The following ABCG1 variants were observed in gnomAD, a reference collection of about 807,000 sequenced individuals.
The protein encoded by ABCG1 is ATP binding cassette subfamily G member 1, also known as ATP-binding cassette sub-family G member 1.
In ABCG1, 29 loss-of-function variants were observed where a neutral mutation model predicts 69.2. That is an observed-to-expected ratio of 0.42 (90% CI 0.31 to 0.57). ABCG1 has a LOEUF of 0.57. Ranked by LOEUF, ABCG1 falls within the 20% of genes least tolerant of loss-of-function variation. The pLI is 0.15. For missense variants in ABCG1, 718 were observed against 898.1 expected, an observed-to-expected ratio of 0.80 and a Z score of 2.56; for synonymous variants, 370 against 374.8, an observed-to-expected ratio of 0.99 and a Z score of 0.15.
intron 2 of ABCG1, among the ~76,000 whole-genome samples, chr21:42,266,070 C>T (rs932518082): frequency 1.3e-5 from 2 of 152,160 alleles, no homozygotes; most frequent in African/African-American, 4.8e-5. Flanking sequence ...GGGAGGCCCA[C>T]GTGGGCGGAT....
At chr21:42,257,418 A>T (rs1282269408) in intron 2 of ABCG1, among the ~76,000 whole-genome samples, 3 of 152,246 alleles carry the variant, frequency 2.0e-5, no homozygotes, top group Non-Finnish European at 4.4e-5. Context: ...ATACAGATAC[A>T]GGACTGGTGA....
At position 42,219,808 on chromosome 21, in the gene ABCG1, C is replaced by A; in HGVS notation, c.42+504C>A. 2.1e-6 allele frequency: 3 copies of A among 1,436,006 alleles called. No homozygotes were observed. The highest frequency in any genetic ancestry group is 2.6e-4 in the Middle Eastern group (1 of 3,910). The allele number at this position is 1,436,006 out of a possible 1,614,324, so 89.0% of individuals were successfully genotyped here. ...TGGGGGAACAAAAGAGGAAGCTGCC[C>A]CCAGAGAGCCGGAGCCTGCGACTGC... On this transcript the variant is annotated intron_variant, in intron 1 of 14. Coordinates refer to ENST00000398449, the MANE Select transcript of ABCG1 (RefSeq NM_016818.3). This position sits in a 1 kb window ranked among gnomAD's most constrained non-coding sequence, Gnocchi z 5.3.
intron 3 of ABCG1, among the ~76,000 whole-genome samples, chr21:42,272,386 G>A (rs1601423871): frequency 6.6e-6 from 1 of 152,224 alleles, no homozygotes; most frequent in African/African-American, 2.4e-5. Flanking sequence ...TTCAGACCTG[G>A]GGATCCAGGG....
chr21:42,259,546 G>A (rs1195435346), intron 2 of ABCG1: 2 of 1,523,012 alleles, frequency 1.3e-6, no homozygotes, highest in Admixed American at 2.1e-5. Context: ...CATCATGTGG[G>A]CCCTCAGGCT....
rs1198747241 is a variant in ABCG1 at position 42,202,184 on chromosome 21, C to T, written c.48+461C>T. ...TTGGTCTGCTATTGAGTATGGAGGC[C>T]AGGGTTCCACTCCAGACCCCTCTGA... is the stretch of plus-strand genomic sequence containing the variant. On this transcript the variant is annotated intron_variant, in intron 2 of 15. Coordinates refer to the ABCG1 transcript ENST00000398457. Among the ~76,000 whole-genome samples the T allele has an allele frequency of 3.9e-5, 6 of 152,266 alleles. No homozygotes were observed. In the East Asian group the frequency reaches 1.2e-3, roughly 29 times the overall value.
intron 2 of ABCG1, among the ~76,000 whole-genome samples, chr21:42,207,660 G>A (rs2067553791): frequency 6.6e-6 from 1 of 152,212 alleles, no homozygotes; most frequent in African/African-American, 2.4e-5. Flanking sequence ...TTACTACCAG[G>A]CAAGGGTAGA....
chr21:42,268,388 T>TGTGTGTGTGTGTGTGC (rs57264459), intron 2 of ABCG1, among the ~76,000 whole-genome samples: 54 of 110,178 alleles, frequency 4.9e-4, no homozygotes, highest in Non-Finnish European at 8.1e-4. Context: ...TGTGTGTGTG[T>TGTGTGTGTGTGTGTGC]GCGCGCGCGC....
chr21:42,225,548 C>T, intron 1 of ABCG1, 123 bp from the exon 2 acceptor site: 1 of 1,246,522 alleles, frequency 8.0e-7, no homozygotes, highest in South Asian at 1.4e-5. Context: ...CAAAGGTGCT[C>T]CTGCAGTGGA....
At chr21:42,292,553 C>T (rs920190772) in intron 13 of ABCG1, among the ~76,000 whole-genome samples, 6 of 151,918 alleles carry the variant, frequency 3.9e-5, no homozygotes, top group Non-Finnish European at 8.8e-5. Flanking sequence ...CCTGTCTGCA[C>T]GGTTGCACAC....
chr21:42,230,908 A>G (rs375184111), intron 2 of ABCG1, among the ~76,000 whole-genome samples: 247 of 152,320 alleles, frequency 1.6e-3, no homozygotes, highest in African/African-American at 5.4e-3. Context: ...GTGGGGAGGA[A>G]GGAACTCAGA....
chr21:42,218,632 C>T (rs929702461), upstream of ABCG1, among the ~76,000 whole-genome samples: 9 of 149,022 alleles, frequency 6.0e-5, no homozygotes, highest in African/African-American at 2.2e-4. Context: ...CACACCGGTG[C>T]TGTTGGGGGC....
At chr21:42,284,816 C>T in intron 7 of ABCG1, 133 bp downstream of exon 7, 1 of 1,251,756 alleles carries the variant, frequency 8.0e-7, no homozygotes, top group Non-Finnish European at 1.1e-6. Context: ...CCTGGGTACC[C>T]ACAGCCTTCT....
chr21:42,279,932 G>A (rs564767201), intron 5 of ABCG1, among the ~76,000 whole-genome samples: 10 of 152,342 alleles, frequency 6.6e-5, no homozygotes, highest in Admixed American at 3.9e-4. Flanking sequence ...CCTAAGACAC[G>A]GCCCGGATGA....
At chr21:42,227,968 G>A (rs978937550) in intron 2 of ABCG1, among the ~76,000 whole-genome samples, 4 of 152,176 alleles carry the variant, frequency 2.6e-5, no homozygotes, top group Non-Finnish European at 4.4e-5. Flanking sequence ...CTCTCGCCCA[G>A]TCCCTCCCTT....
chr21:42,234,377 C>A (rs2067945649), intron 2 of ABCG1, among the ~76,000 whole-genome samples: 1 of 152,212 alleles, frequency 6.6e-6, no homozygotes, highest in African/African-American at 2.4e-5. Context: ...ACCCTGCTGA[C>A]AATGAGGAGC....
At chr21:42,200,338 G>A (rs999821694) in intron 1 of ABCG1, among the ~76,000 whole-genome samples, 1 of 152,198 alleles carries the variant, frequency 6.6e-6, no homozygotes, top group Admixed American at 6.5e-5. Flanking sequence ...AAGCCTTTGG[G>A]TACATCCCAT....
upstream of ABCG1, among the ~76,000 whole-genome samples, chr21:42,216,528 T>C (rs1335261152): frequency 6.6e-6 from 1 of 152,132 alleles, no homozygotes; most frequent in Admixed American, 6.5e-5. Context: ...GGCAACCCCC[T>C]GATGCAGTGG....
chr21:42,268,835 C>G lies in ABCG1; in HGVS notation c.287-2235C>G, dbSNP rs796685187. 8.2e-4 allele frequency among the ~76,000 whole-genome samples: 125 copies of G among 152,264 alleles called. 1 individual carries two copies. Among genetic ancestry groups the G allele is most frequent in the African/African-American group, 2.9e-3 (121 of 41,530 alleles). ...TGAGAGGGCCGAATGCTCCCAGCCT[C>G]CATGCCATGTCCTGTTCCTGGGGTC... On this transcript the variant is annotated intron_variant, in intron 2 of 14. Coordinates refer to ENST00000398449, the MANE Select transcript of ABCG1 (RefSeq NM_016818.3).
intron 3 of ABCG1, among the ~76,000 whole-genome samples, chr21:42,271,618 G>A (rs368717716): frequency 2.0e-5 from 3 of 152,176 alleles, no homozygotes; most frequent in African/African-American, 4.8e-5. Context: ...GTGGTGGCTC[G>A]CACCTGCAAT....
Sources: allele counts gnomAD v4.1 joint callset (sites outside exome capture counted in the v4.1 genomes callset), GRCh38; gene constraint gnomAD v4.1.1; non-coding constraint Gnocchi (gnomAD v3.1); transcripts MANE v1.5; gene names NCBI Gene and HGNC (gene_info 2026-07-23, HGNC 2026-07-21).